The following CNTNAP2 variants were observed in gnomAD, a reference collection of about 807,000 sequenced individuals.
The protein encoded by CNTNAP2 is contactin-associated protein-like 2.
Under a neutral mutation model 155.2 loss-of-function variants are expected in CNTNAP2, and 98 were observed. The ratio of observed to expected loss-of-function variants is 0.63; its 90% CI spans 0.54 to 0.75. The LOEUF (loss-of-function observed/expected upper bound fraction) is 0.75. Ranked by LOEUF, CNTNAP2 falls within the 30% of genes least tolerant of loss-of-function variation. CNTNAP2 has a pLI of 0.00. For synonymous variants in CNTNAP2, 651 were observed against 631.2 expected, an observed-to-expected ratio of 1.03 and a Z score of -0.47; for missense variants, 1,727 against 1,688.1, an observed-to-expected ratio of 1.02 and a Z score of -0.40.
intron 3 of CNTNAP2, among the ~76,000 whole-genome samples, chr7:146,946,004 A>G (rs1057238427): frequency 2.0e-5 from 3 of 152,124 alleles, no homozygotes; most frequent in African/African-American, 7.2e-5. Flanking sequence ...GGGGCCAAAG[A>G]GAGACCTTTG....
chr7:146,513,571 A>G (rs534464555), intron 1 of CNTNAP2, among the ~76,000 whole-genome samples: 2 of 152,036 alleles, frequency 1.3e-5, no homozygotes, highest in Non-Finnish European at 2.9e-5. Flanking sequence ...AGAAAACTAT[A>G]AAACGATCTT....
chr7:148,362,060 C>T (rs1039383149), intron 21 of CNTNAP2, among the ~76,000 whole-genome samples: 4 of 152,056 alleles, frequency 2.6e-5, no homozygotes, highest in Admixed American at 1.3e-4. Flanking sequence ...TACAAAAAAA[C>T]TAGCTGGGCA....
intron 13 of CNTNAP2, among the ~76,000 whole-genome samples, chr7:147,858,376 T>A (rs528711930): frequency 3.3e-5 from 5 of 152,228 alleles, no homozygotes; most frequent in Non-Finnish European, 7.3e-5. Flanking sequence ...CGTAAGCCAC[T>A]GCGCCCGGCC....
intron 1 of CNTNAP2, among the ~76,000 whole-genome samples, chr7:146,135,338 C>T (rs1234699360): frequency 1.3e-5 from 2 of 152,018 alleles, no homozygotes; most frequent in Non-Finnish European, 2.9e-5. Context: ...AGATACTCCA[C>T]TAACTAGTTG....
intron 3 of CNTNAP2, chr7:146,915,896 C>T (rs143578030): frequency 2.0e-5 from 3 of 152,160 alleles, no homozygotes; most frequent in African/African-American, 4.8e-5. Context: ...TGCCTTGTTC[C>T]AGTTCTCAGG....
intron 13 of CNTNAP2, among the ~76,000 whole-genome samples, chr7:147,854,817 A>G (rs1484590261): frequency 6.6e-6 from 1 of 152,190 alleles, no homozygotes; most frequent in Non-Finnish European, 1.5e-5. Flanking sequence ...TTTCAACCAT[A>G]AGCTACATGG....
intron 1 of CNTNAP2, among the ~76,000 whole-genome samples, chr7:146,633,999 C>A (rs13229953): frequency 0.076 from 11,485 of 152,014 alleles, 479 homozygotes; most frequent in Non-Finnish European, 0.089. Flanking sequence ...GGAAGAGTAC[C>A]CTATGGGCCA....
At position 148,363,003 on chromosome 7, in the gene CNTNAP2, G is replaced by A. The variant is rs557418029; in HGVS notation, c.3476-20646G>A. Among the ~76,000 whole-genome samples the A allele has an allele frequency of 2.7e-3, 415 of 151,192 alleles. 3 individuals carry two copies. Among genetic ancestry groups the A allele is most frequent in the African/African-American group, 9.5e-3 (390 of 41,146 alleles). On this transcript the variant is annotated intron_variant, in intron 21 of 23. Transcript: ENST00000361727. The stretch of plus-strand genomic sequence containing the variant: ...TCAACATGCTATTTTTTTTTTAAAC[G>A]GAGTTTCGCTTTTTGTTGCCCAGGC...
At chr7:146,337,756 GCCACCA>G (rs1399097948) in intron 1 of CNTNAP2, among the ~76,000 whole-genome samples, 1 of 152,112 alleles carries the variant, frequency 6.6e-6, no homozygotes, top group Non-Finnish European at 1.5e-5. Context: ...ACAGGTGTTA[GCCACCA>G]CACCCAGCCT....
rs1240994532 is a variant in CNTNAP2 at position 147,739,221 on chromosome 7, A to G, written c.2098+99915A>G. ...GGATTATTGTGATAGTGAAATAAGA[A>G]ACTGTAAGAGAAAACCTTATACTTT... On this transcript the variant is annotated intron_variant, in intron 13 of 23. Coordinates refer to ENST00000361727, the MANE Select transcript of CNTNAP2 (RefSeq NM_014141.6). Among the ~76,000 whole-genome samples, 5 of 152,142 alleles carry G rather than the reference A, an allele frequency of 3.3e-5. No individual in the cohort carries two copies. The East Asian group carries it at 9.7e-4, about 29-fold the overall frequency.
intron 21 of CNTNAP2, among the ~76,000 whole-genome samples, chr7:148,267,902 TCTCA>T: frequency 6.6e-6 from 1 of 152,156 alleles, no homozygotes; most frequent in East Asian, 1.9e-4. Flanking sequence ...TCTATCTTCC[TCTCA>T]CTCGTAAGAA....
In CNTNAP2 at chr7:147,328,030, T is replaced by A. The variant is rs1465337793; in HGVS notation, c.1498+27740T>A. Among the ~76,000 whole-genome samples the A allele has an allele frequency of 2.0e-5, 3 of 151,422 alleles. No individual in the cohort carries two copies. In the South Asian group the frequency reaches 6.2e-4, roughly 32 times the overall value. Reference sequence around the variant, plus strand: ...TAAGCTGGCACTTATACAAACAAAATCTAGAGACAAATTTTTGGAAAAAAA... The same window carrying A: ...TAAGCTGGCACTTATACAAACAAAAACTAGAGACAAATTTTTGGAAAAAAA... On this transcript the variant is annotated intron_variant, in intron 9 of 23. Transcript: ENST00000361727.
At chr7:147,060,080 A>AT (rs1799634584) in intron 4 of CNTNAP2, among the ~76,000 whole-genome samples, 1 of 152,140 alleles carries the variant, frequency 6.6e-6, no homozygotes, top group African/African-American at 2.4e-5. Flanking sequence ...GGACAAAATA[A>AT]TTTTTTGTTT....
At chr7:147,323,807 AT>A (rs772170066) in intron 9 of CNTNAP2, among the ~76,000 whole-genome samples, 6 of 152,168 alleles carry the variant, frequency 3.9e-5, no homozygotes, top group Non-Finnish European at 7.4e-5. Flanking sequence ...GCAATAGAAT[AT>A]TTTTTAATTA....
intron 1 of CNTNAP2, among the ~76,000 whole-genome samples, chr7:146,732,863 A>G (rs1264353438): frequency 6.6e-6 from 1 of 152,076 alleles, no homozygotes; most frequent in African/African-American, 2.4e-5. Context: ...TAGTTGCTAT[A>G]TTGTATTGCT....
chr7:147,364,851 G>GA (rs548055443), intron 9 of CNTNAP2, among the ~76,000 whole-genome samples: 3,449 of 139,122 alleles, frequency 0.025, 49 homozygotes, highest in African/African-American at 0.036. Flanking sequence ...TCAGTCTCGG[G>GA]AAAAAAAAAA....
Position 146,519,517 on chromosome 7 carries a change from A to T in CNTNAP2, c.98-254754A>T, listed in dbSNP as rs117591517. On this transcript the variant is annotated intron_variant, in intron 1 of 23. Coordinates refer to ENST00000361727, the MANE Select transcript of CNTNAP2 (RefSeq NM_014141.6). ...AGCTTAGCACAACAGAATGTACTGG[A>T]CTGAGGCATTCACATTCAGTCAATT... 2.0e-4 allele frequency among the ~76,000 whole-genome samples: 31 copies of T among 152,072 alleles called. No homozygotes were observed. The East Asian group carries it at 5.6e-3, about 27-fold the overall frequency.
chr7:148,120,442 GT>G (rs994772078), intron 16 of CNTNAP2, among the ~76,000 whole-genome samples: 4 of 151,754 alleles, frequency 2.6e-5, no homozygotes, highest in Non-Finnish European at 5.9e-5. Flanking sequence ...AATTGTTGTG[GT>G]TTTTGTCACT....
chr7:148,415,780 C>CAA lies in CNTNAP2; in HGVS notation c.*174_*175dup, dbSNP rs61125105. 27,553 of 537,248 alleles carry CAA rather than the reference C, an allele frequency of 0.051. 8 individuals are homozygous for CAA. The highest frequency in any genetic ancestry group is 0.13 in the East Asian group (3,055 of 23,212). 33.3% of individuals were successfully genotyped at this position (537,248 alleles called of 1,614,324 possible). On this transcript the variant is annotated 3_prime_UTR_variant, in exon 24 of 24. Transcript: ENST00000361727. ...AATGGAATATTCTTGAGACTGATCACAAAAAAAAAAACCTTTTTAATATTT... is the reference window on the plus strand; with the variant it reads ...AATGGAATATTCTTGAGACTGATCACAAAAAAAAAAAAACCTTTTTAATATTT...
Sources: allele counts gnomAD v4.1 joint callset (sites outside exome capture counted in the v4.1 genomes callset), GRCh38; gene constraint gnomAD v4.1.1; transcripts MANE v1.5; gene names NCBI Gene and HGNC (gene_info 2026-07-23, HGNC 2026-07-21).